BAZ1A: variants seen among roughly 807,000 people sequenced by gnomAD.
BAZ1A encodes bromodomain adjacent to zinc finger domain 1A.
BAZ1A carries 50 observed loss-of-function variants against 185.2 expected under a neutral mutation model. That is an observed-to-expected ratio of 0.27 (90% CI 0.22 to 0.34). The LOEUF (loss-of-function observed/expected upper bound fraction) is 0.34, where lower values mean the gene tolerates loss of function less well. Ranked by LOEUF, BAZ1A falls within the 10% of genes least tolerant of loss-of-function variation. The probability of loss-of-function intolerance (pLI) is 1.00; values close to 1 mark genes in which losing one functional copy is unlikely to be tolerated. For synonymous variants in BAZ1A, 571 were observed against 615.6 expected, an observed-to-expected ratio of 0.93 and a Z score of 1.07; for missense variants, 1,356 against 1,839.9, an observed-to-expected ratio of 0.74 and a Z score of 4.81.
intron 3 of BAZ1A, among the ~76,000 whole-genome samples, chr14:34,832,114 G>C (rs1388212315): frequency 6.6e-6 from 1 of 151,040 alleles, no homozygotes; most frequent in Non-Finnish European, 1.5e-5. Context: ...GGATCATTGA[G>C]TCCAGGAGGC....
intron 6 of BAZ1A, among the ~76,000 whole-genome samples, chr14:34,806,912 G>A (rs1054422484): frequency 2.0e-5 from 3 of 151,254 alleles, no homozygotes; most frequent in East Asian, 1.9e-4. Context: ...ACCACACCCA[G>A]CTAATTTTTC....
chr14:34,854,696 T>C (rs540100695), intron 3 of BAZ1A, among the ~76,000 whole-genome samples: 2 of 152,270 alleles, frequency 1.3e-5, no homozygotes, highest in East Asian at 3.9e-4. Context: ...AAAGTCTAAC[T>C]CCAAATCCTG....
intron 20 of BAZ1A, 128 bp from the exon 21 acceptor site, chr14:34,771,787 G>T: frequency 1.3e-6 from 1 of 768,906 alleles, no homozygotes. Context: ...TCAAGGAGTT[G>T]CAGTAAACTA....
chr14:34,781,208 A>T (rs1004601460), intron 16 of BAZ1A, among the ~76,000 whole-genome samples: 8 of 152,196 alleles, frequency 5.3e-5, no homozygotes, highest in Non-Finnish European at 1.2e-4. Flanking sequence ...ATAAATATTT[A>T]AAAAATATGA....
chr14:34,783,054 T>C, intron 16 of BAZ1A, 65 bp downstream of exon 16: 1 of 1,234,472 alleles, frequency 8.1e-7, no homozygotes, highest in Non-Finnish European at 1.2e-6. Context: ...TTTTAGAGTT[T>C]AAGGTGTCTG....
In BAZ1A at chr14:34,765,196, C is replaced by T. The variant is rs751033693; in HGVS notation, c.3374G>A (p.Ser1125Asn). Residue 1125 changes from serine to asparagine, a missense_variant, in exon 22 of 27, where the codon AGT (serine) becomes AAT (asparagine). Ser to Asn is a conservative substitution (Grantham distance 46). Coordinates refer to ENST00000360310, the MANE Select transcript of BAZ1A (RefSeq NM_013448.3). ...RWRESLLSSASLSQVFLHLST... is the reference protein window; with the variant it reads ...RWRESLLSSANLSQVFLHLST... ...TAGGTGAAGAAAAACTTGGGATAGA[C>T]TAGCAGAAGAAAGGAGAGACTCTCT... 43 of 1,613,980 alleles carry T rather than the reference C, an allele frequency of 2.7e-5. No homozygotes were observed. In the Middle Eastern group the frequency reaches 4.9e-4, roughly 19 times the overall value.
chr14:34,763,013 TG>T (rs1886589732), intron 23 of BAZ1A, among the ~76,000 whole-genome samples: 1 of 152,304 alleles, frequency 6.6e-6, no homozygotes, highest in South Asian at 2.1e-4. Context: ...GCCAATGAAG[TG>T]GGCCTTGAAC....
intron 25 of BAZ1A, chr14:34,758,437 G>A (rs112738638): frequency 0.12 from 33,241 of 286,044 alleles, 3,835 homozygotes; most frequent in East Asian, 0.51. Flanking sequence ...AATATTAGCC[G>A]GGTGTGGTGG....
intron 3 of BAZ1A, among the ~76,000 whole-genome samples, chr14:34,833,110 T>G (rs181848056): frequency 6.6e-6 from 1 of 151,960 alleles, no homozygotes; most frequent in Non-Finnish European, 1.5e-5. Context: ...GGTGTGGTGG[T>G]GCACATCAGT....
intron 4 of BAZ1A, among the ~76,000 whole-genome samples, chr14:34,823,981 C>A (rs772559945): frequency 6.6e-6 from 1 of 152,010 alleles, no homozygotes. Context: ...AAAGGACACA[C>A]ATTTACTACT....
At chr14:34,862,760 T>C (rs1384792055) in intron 2 of BAZ1A, among the ~76,000 whole-genome samples, 1 of 148,216 alleles carries the variant, frequency 6.7e-6, no homozygotes, top group Non-Finnish European at 1.5e-5. Context: ...TTCTTGAAAC[T>C]ATATGATGAT....
At chr14:34,790,643 C>G (rs1312141708) in intron 12 of BAZ1A, among the ~76,000 whole-genome samples, 1 of 152,116 alleles carries the variant, frequency 6.6e-6, no homozygotes, top group Non-Finnish European at 1.5e-5. Context: ...CATGAGCCAC[C>G]ACACCCAGCC....
chr14:34,851,685 G>A (rs2042599168), intron 3 of BAZ1A, among the ~76,000 whole-genome samples: 1 of 152,092 alleles, frequency 6.6e-6, no homozygotes, highest in Admixed American at 6.6e-5. Flanking sequence ...AAGGCACAGT[G>A]GCCCATGCCT....
intron 24 of BAZ1A, 80 bp downstream of exon 24, chr14:34,761,677 T>C: frequency 7.8e-7 from 1 of 1,279,418 alleles, no homozygotes; most frequent in Non-Finnish European, 1.1e-6. Flanking sequence ...CTTTAAAAAA[T>C]GATCCAAAGT....
At chr14:34,814,722 C>T (rs1054056809) in intron 4 of BAZ1A, among the ~76,000 whole-genome samples, 8 of 151,936 alleles carry the variant, frequency 5.3e-5, no homozygotes, top group Non-Finnish European at 1.2e-4. Flanking sequence ...GCAATGCTCC[C>T]ACCTCAAGCC....
chr14:34,781,202 A>C (rs1880013000), intron 16 of BAZ1A, among the ~76,000 whole-genome samples: 1 of 152,212 alleles, frequency 6.6e-6, no homozygotes, highest in African/African-American at 2.4e-5. Flanking sequence ...GGCTGAATAA[A>C]TATTTAAAAA....
intron 3 of BAZ1A, among the ~76,000 whole-genome samples, chr14:34,832,936 G>A (rs2042271869): frequency 6.6e-6 from 1 of 152,140 alleles, no homozygotes; most frequent in Non-Finnish European, 1.5e-5. Context: ...CAGATGAATG[G>A]ATAAGCAAAC....
rs755824658 is a variant in BAZ1A at position 34,771,612 on chromosome 14, G to T, written c.3200C>A (p.Ala1067Glu). The change falls in exon 21 of 27, where the codon GCA (alanine) becomes GAA (glutamate). Residue 1067 changes from alanine (A) to glutamate (E), a missense_variant. Ala to Glu is a moderately radical substitution (Grantham distance 107). Around this residue, in one of 7 missense-constraint regions of BAZ1A, gnomAD observed 434 missense variants for 561.7 expected, o/e 0.77. Transcript: ENST00000360310. The part of the protein sequence containing the change: ...TETPSTVSTN[A>E]STPQSVSSVV... ...ACTGCTCACTGATTGTGGTGTACTT[G>T]CATTTGTTGATACAGTACTTGGAGT... 3 of 1,614,010 alleles carry T rather than the reference G, an allele frequency of 1.9e-6. No individual in the cohort carries two copies. In the East Asian group the frequency reaches 6.7e-5, roughly 36 times the overall value.
chr14:34,783,716 G>GA (rs759563391), intron 15 of BAZ1A, 46 bp downstream of exon 15: 1 of 1,578,774 alleles, frequency 6.3e-7, no homozygotes, highest in Non-Finnish European at 8.6e-7. Flanking sequence ...TAAATGCAAA[G>GA]AAATAAACAG....
Sources: gnomAD v4.1 joint callset for allele counts (sites outside exome capture counted in the v4.1 genomes callset) on GRCh38, gnomAD v4.1.1 for gene constraint, gnomAD v4.1.1 regional missense constraint, MANE v1.5 for transcripts, NCBI Gene and HGNC (gene_info 2026-07-23, HGNC 2026-07-21) for gene names.